NPAS3: variants seen among roughly 807,000 people sequenced by gnomAD.
NPAS3 encodes the protein neuronal PAS domain protein 3.
A neutral mutation model predicts 73.1 loss-of-function variants in NPAS3; 14 were observed. That is an observed-to-expected ratio of 0.19 (90% confidence interval 0.13 to 0.30). The LOEUF is 0.30. Among genes scored for constraint, NPAS3 ranks in the 10% least tolerant of loss-of-function variants. The pLI, the probability that NPAS3 is intolerant of heterozygous loss-of-function variation, is 1.00. For synonymous variants in NPAS3, 620 were observed against 541.5 expected (o/e 1.14, Z -2.01); for missense variants, 1,096 against 1,250.0 (o/e 0.88, Z 1.86).
upstream of NPAS3, among the ~76,000 whole-genome samples, chr14:32,936,571 AG>A (rs2035700979): frequency 6.6e-6 from 1 of 152,316 alleles, no homozygotes. Context: ...TAGGAAGTGC[AG>A]GCAATGGTCA....
At chr14:33,521,980 T>C (rs139008039) in intron 4 of NPAS3, among the ~76,000 whole-genome samples, 2 of 152,312 alleles carry the variant, frequency 1.3e-5, no homozygotes, top group Non-Finnish European at 2.9e-5. Context: ...ATCTAGCCCT[T>C]TGGAAGCCTC....
intron 1 of NPAS3, among the ~76,000 whole-genome samples, chr14:32,975,998 A>G (rs546826634): frequency 2.6e-5 from 4 of 152,038 alleles, no homozygotes; most frequent in Non-Finnish European, 5.9e-5. Context: ...ACTATGACAG[A>G]GCAAAGACAA....
chr14:33,758,010 T>A (rs946869585), intron 7 of NPAS3, among the ~76,000 whole-genome samples: 2 of 152,218 alleles, frequency 1.3e-5, no homozygotes, highest in Non-Finnish European at 2.9e-5. Flanking sequence ...TAATTAAACA[T>A]TGAATGAATG....
intron 6 of NPAS3, among the ~76,000 whole-genome samples, chr14:33,684,227 G>T (rs201057183): frequency 2.0e-5 from 3 of 148,360 alleles, no homozygotes; most frequent in Non-Finnish European, 4.5e-5. Flanking sequence ...TGTGCTGTGG[G>T]TTTTTTTTTT....
chr14:33,434,985 G>T (rs145464365), intron 4 of NPAS3, among the ~76,000 whole-genome samples: 1 of 152,272 alleles, frequency 6.6e-6, no homozygotes, highest in East Asian at 1.9e-4. Flanking sequence ...CAGCAGAAAT[G>T]TTTTCAAGGT....
At chr14:33,655,653 C>G (rs945767047) in intron 5 of NPAS3, among the ~76,000 whole-genome samples, 1 of 152,068 alleles carries the variant, frequency 6.6e-6, no homozygotes, top group Admixed American at 6.5e-5. Context: ...CTCAGGAAGC[C>G]CAAAGAATCC....
At chr14:33,286,593 T>A (rs1179641114) in intron 3 of NPAS3, among the ~76,000 whole-genome samples, 2 of 152,204 alleles carry the variant, frequency 1.3e-5, no homozygotes, top group Non-Finnish European at 2.9e-5. Flanking sequence ...TGAGTGATTC[T>A]GCCATCTCCT....
chr14:33,436,530 G>T (rs1237932732), intron 4 of NPAS3, among the ~76,000 whole-genome samples: 1 of 152,100 alleles, frequency 6.6e-6, no homozygotes, highest in African/African-American at 2.4e-5. Flanking sequence ...CAAATCTGTT[G>T]TCTTTATCTT....
At chr14:33,336,151 T>TTTTCTA (rs2044216869) in intron 3 of NPAS3, among the ~76,000 whole-genome samples, 1 of 152,226 alleles carries the variant, frequency 6.6e-6, no homozygotes, top group Non-Finnish European at 1.5e-5. Context: ...TTAATTTGTA[T>TTTTCTA]TTTCTATTAG....
chr14:33,402,986 C>T (rs1213837868), intron 4 of NPAS3, among the ~76,000 whole-genome samples: 1 of 152,080 alleles, frequency 6.6e-6, no homozygotes, highest in Non-Finnish European at 1.5e-5. Flanking sequence ...TTCCATGCCT[C>T]TGTAGGTGAA....
intron 5 of NPAS3, among the ~76,000 whole-genome samples, chr14:33,604,400 A>G (rs561543223): frequency 2.0e-5 from 3 of 152,230 alleles, no homozygotes; most frequent in South Asian, 4.1e-4. Flanking sequence ...ATCAAAGAAT[A>G]TAACTATGGA....
At chr14:33,397,615 A>G (rs2047278406) in intron 4 of NPAS3, among the ~76,000 whole-genome samples, 1 of 152,156 alleles carries the variant, frequency 6.6e-6, no homozygotes, top group African/African-American at 2.4e-5. Context: ...TGTGCACTAT[A>G]TGCACCAAGT....
chr14:33,373,722 A>G (rs1431474833), intron 4 of NPAS3, among the ~76,000 whole-genome samples: 1 of 152,134 alleles, frequency 6.6e-6, no homozygotes, highest in African/African-American at 2.4e-5. Context: ...TCTTGTATCT[A>G]TGTCATTGAC....
chr14:33,175,824 G>A (rs1053622270), intron 2 of NPAS3, among the ~76,000 whole-genome samples: 5 of 17,760 alleles, frequency 2.8e-4, no homozygotes, highest in South Asian at 2.2e-3. Flanking sequence ...TTTGTAAAAC[G>A]TTATCATTTT....
intron 3 of NPAS3, among the ~76,000 whole-genome samples, chr14:33,301,190 A>G (rs1162951564): frequency 1.3e-5 from 2 of 151,176 alleles, no homozygotes; most frequent in Non-Finnish European, 3.0e-5. Context: ...TGAGATTCAT[A>G]TGAAGTACTA....
At chr14:33,616,849 C>G (rs984662081) in intron 5 of NPAS3, among the ~76,000 whole-genome samples, 7 of 152,158 alleles carry the variant, frequency 4.6e-5, no homozygotes, top group African/African-American at 1.7e-4. Context: ...GACTTGTCCT[C>G]TGTCAGCCGA....
At chr14:33,557,503 G>A (rs1170844423) in intron 4 of NPAS3, among the ~76,000 whole-genome samples, 1 of 152,160 alleles carries the variant, frequency 6.6e-6, no homozygotes, top group African/African-American at 2.4e-5. Context: ...GAAATGCTGT[G>A]AATATTCGCC....
chr14:33,449,917 C>T (rs1382215153), intron 4 of NPAS3, among the ~76,000 whole-genome samples: 2 of 152,098 alleles, frequency 1.3e-5, no homozygotes, highest in African/African-American at 4.8e-5. Context: ...AGTGTTCCGA[C>T]GTGTTATGAT....
At chr14:33,093,006 C>G (rs561417771) in intron 2 of NPAS3, among the ~76,000 whole-genome samples, 1 of 152,114 alleles carries the variant, frequency 6.6e-6, no homozygotes, top group South Asian at 2.1e-4. Context: ...GACCTAAAAC[C>G]GTAGAAACCC....
Sources: allele counts gnomAD v4.1 joint callset (sites outside exome capture counted in the v4.1 genomes callset), GRCh38; gene constraint gnomAD v4.1.1; transcripts MANE v1.5; gene names NCBI Gene and HGNC (gene_info 2026-07-23, HGNC 2026-07-21).